Variants in WDR70 observed in about 807,000 individuals in gnomAD.
The protein encoded by WDR70 is WD repeat domain 70.
A neutral mutation model predicts 88.6 loss-of-function variants in WDR70; 53 were observed. The observed-to-expected ratio is 0.60, with a 90% confidence interval of 0.48 to 0.75. WDR70 has a LOEUF of 0.75. Ranked by LOEUF, WDR70 falls within the 30% of genes least tolerant of loss-of-function variation. The probability of loss-of-function intolerance (pLI) is 0.00; values close to 1 mark genes in which losing one functional copy is unlikely to be tolerated. For missense variants in WDR70, 610 were observed against 823.2 expected, an observed-to-expected ratio of 0.74 and a Z score of 3.17; for synonymous variants, 280 against 270.0, an observed-to-expected ratio of 1.04 and a Z score of -0.36.
At chr5:37,550,463 A>T (rs960580289) in intron 9 of WDR70, among the ~76,000 whole-genome samples, 13 of 152,180 alleles carry the variant, frequency 8.5e-5, no homozygotes, top group Non-Finnish European at 1.5e-4. Context: ...GTTGGATGGA[A>T]TGTTCTGTAA....
chr5:37,612,687 C>T (rs948750547), intron 10 of WDR70, among the ~76,000 whole-genome samples: 1 of 152,050 alleles, frequency 6.6e-6, no homozygotes, highest in East Asian at 1.9e-4. Flanking sequence ...GATTTCTAGG[C>T]GACTAAAGGT....
intron 8 of WDR70, among the ~76,000 whole-genome samples, chr5:37,490,646 C>T (rs1449499423): frequency 1.3e-5 from 2 of 152,034 alleles, no homozygotes; most frequent in Non-Finnish European, 2.9e-5. Context: ...CAGGGAGAGC[C>T]TGCCCTTAGA....
At chr5:37,699,165 A>G (rs777058599) in intron 11 of WDR70, among the ~76,000 whole-genome samples, 2 of 151,978 alleles carry the variant, frequency 1.3e-5, no homozygotes, top group Non-Finnish European at 2.9e-5. Flanking sequence ...AGAGGGGAAA[A>G]AGGGAGAGTG....
In WDR70 at chr5:37,527,956, G is replaced by A. The variant is rs140096854; in HGVS notation, c.917+11366G>A. Among the ~76,000 whole-genome samples, 347 of 152,198 alleles carry A rather than the reference G, an allele frequency of 2.3e-3. 2 individuals carry two copies. Among genetic ancestry groups the A allele is most frequent in the East Asian group, 0.013 (68 of 5,178 alleles). ...ACCATCTCTCACCAGTTAGAATGCC[G>A]ATCATTAAAAACTCAGGAAACAATG... On this transcript the variant is annotated intron_variant, in intron 9 of 17. Coordinates refer to ENST00000265107, the MANE Select transcript of WDR70 (RefSeq NM_018034.4).
intron 10 of WDR70, among the ~76,000 whole-genome samples, chr5:37,631,497 C>T (rs1429666474): frequency 6.6e-6 from 1 of 151,974 alleles, no homozygotes; most frequent in Non-Finnish European, 1.5e-5. Context: ...CCACTGTGTA[C>T]CAGGAATTGT....
chr5:37,434,649 G>A (rs920720187), intron 5 of WDR70, among the ~76,000 whole-genome samples: 2 of 152,176 alleles, frequency 1.3e-5, no homozygotes, highest in African/African-American at 4.8e-5. Flanking sequence ...ATGTTCATCA[G>A]ATAGAATTGC....
intron 5 of WDR70, among the ~76,000 whole-genome samples, chr5:37,427,656 G>A (rs1362221190): frequency 6.6e-6 from 1 of 152,034 alleles, no homozygotes; most frequent in African/African-American, 2.4e-5. Flanking sequence ...TGGGTGGATC[G>A]CTTGAGGATC....
chr5:37,553,929 G>A (rs926730754), intron 9 of WDR70, among the ~76,000 whole-genome samples: 2 of 152,048 alleles, frequency 1.3e-5, no homozygotes, highest in Non-Finnish European at 2.9e-5. Context: ...GTCATCACAT[G>A]GTAGCACTCC....
intron 10 of WDR70, among the ~76,000 whole-genome samples, chr5:37,620,605 A>T (rs1005006976): frequency 6.6e-6 from 1 of 152,190 alleles, no homozygotes; most frequent in Non-Finnish European, 1.5e-5. Context: ...TTCCTATTGC[A>T]GTGTGCACTC....
chr5:37,444,750 C>T (rs1738405636), intron 7 of WDR70, among the ~76,000 whole-genome samples: 1 of 152,120 alleles, frequency 6.6e-6, no homozygotes, highest in African/African-American at 2.4e-5. Flanking sequence ...GCACCAGTGC[C>T]TGGTTTTGTG....
At chr5:37,455,223 C>T (rs1738793439) in intron 7 of WDR70, among the ~76,000 whole-genome samples, 2 of 150,690 alleles carry the variant, frequency 1.3e-5, no homozygotes, top group African/African-American at 4.9e-5. Context: ...AGACTATCAC[C>T]TGTCCTGATT....
chr5:37,694,074 G>A (rs1401257654), intron 10 of WDR70, among the ~76,000 whole-genome samples: 2 of 152,186 alleles, frequency 1.3e-5, no homozygotes, highest in East Asian at 3.8e-4. Context: ...AGACATTTAT[G>A]CAGCAATCAG....
At chr5:37,599,107 T>C (rs979261094) in intron 9 of WDR70, among the ~76,000 whole-genome samples, 1 of 152,240 alleles carries the variant, frequency 6.6e-6, no homozygotes, top group African/African-American at 2.4e-5. Flanking sequence ...ACTTGAGTGA[T>C]ATAAAAGTCT....
chr5:37,425,317 T>G (rs1468577173), intron 5 of WDR70, among the ~76,000 whole-genome samples: 1 of 152,178 alleles, frequency 6.6e-6, no homozygotes, highest in South Asian at 2.1e-4. Context: ...AAAGGGAACA[T>G]GTAGAGCACG....
At chr5:37,631,296 A>G (rs1023750185) in intron 10 of WDR70, among the ~76,000 whole-genome samples, 61 of 152,194 alleles carry the variant, frequency 4.0e-4, no homozygotes, top group African/African-American at 1.4e-3. Flanking sequence ...TAAATATGTT[A>G]TAGAACTAAA....
At chr5:37,521,285 T>C (rs1285126865) in intron 9 of WDR70, among the ~76,000 whole-genome samples, 1 of 136,234 alleles carries the variant, frequency 7.3e-6, no homozygotes, top group Non-Finnish European at 1.6e-5. Flanking sequence ...TTGAATGTTA[T>C]ATTCCAAGAC....
At chr5:37,608,206 T>A (rs1460696115) in intron 10 of WDR70, among the ~76,000 whole-genome samples, 1 of 151,970 alleles carries the variant, frequency 6.6e-6, no homozygotes, top group Non-Finnish European at 1.5e-5. Flanking sequence ...CACACCTGGC[T>A]AATTTTTGTA....
intron 9 of WDR70, among the ~76,000 whole-genome samples, chr5:37,602,774 T>C (rs1743924562): frequency 6.6e-6 from 1 of 151,746 alleles, no homozygotes; most frequent in Admixed American, 6.6e-5. Context: ...GTCAGGAGTT[T>C]GAGACCAGCC....
chr5:37,505,556 C>A, intron 8 of WDR70: 1 of 646,800 alleles, frequency 1.5e-6, no homozygotes, highest in South Asian at 1.9e-5. Flanking sequence ...TGAGAGCAAG[C>A]ATAATTCTCT....
Sources: allele counts gnomAD v4.1 joint callset (sites outside exome capture counted in the v4.1 genomes callset), GRCh38; gene constraint gnomAD v4.1.1; transcripts MANE v1.5; gene names NCBI Gene and HGNC (gene_info 2026-07-23, HGNC 2026-07-21).